CSMD1: variants seen among roughly 807,000 people sequenced by gnomAD.
The protein encoded by CSMD1 is CUB and sushi domain-containing protein 1.
CSMD1 carries 213 observed loss-of-function variants against 417.5 expected under a neutral mutation model. That is an observed-to-expected ratio of 0.51 (90% CI 0.46 to 0.57). The LOEUF is 0.57. Ranked by LOEUF, CSMD1 falls within the 20% of genes least tolerant of loss-of-function variation. CSMD1 has a pLI of 0.00. For synonymous variants in CSMD1, 2,862 were observed against 1,736.8 expected, an observed-to-expected ratio of 1.65 and a Z score of -16.11; for missense variants, 6,923 against 4,529.7, an observed-to-expected ratio of 1.53 and a Z score of -15.17.
At chr8:4,479,891 G>T (rs1585143461) in intron 2 of CSMD1, among the ~76,000 whole-genome samples, 2 of 151,566 alleles carry the variant, frequency 1.3e-5, no homozygotes, top group African/African-American at 4.9e-5. Context: ...GCTTGAACCT[G>T]GGAGGCAGAG....
At chr8:4,350,751 G>C (rs923211641) in intron 3 of CSMD1, among the ~76,000 whole-genome samples, 2 of 152,164 alleles carry the variant, frequency 1.3e-5, no homozygotes, top group Non-Finnish European at 2.9e-5. Context: ...TCTAAATCCA[G>C]TGGCAGCTGA....
rs770588010 is a variant in CSMD1, at chr8:2,938,741, C to T, written c.10539G>A (p.Thr3513=). The T allele has an allele frequency of 3.1e-6, 5 of 1,604,896 alleles. No homozygotes were observed. The highest frequency in any genetic ancestry group is 2.2e-5 in the South Asian group (2 of 89,306). Residue 3513 remains threonine (T), a synonymous_variant, in exon 70 of 70, where the codon ACG becomes ACA. Coordinates refer to ENST00000635120, the MANE Select transcript of CSMD1 (RefSeq NM_033225.6). ...GFAFYLYKHR[T]RPKVQYNGYA... is the part of the protein sequence containing the mutation. ...AGCCATTGTATTGAACTTTTGGTCTCGTTCTAAGGAAAACAGAAAACAAAT... is the reference window on the plus strand; with the variant it reads ...AGCCATTGTATTGAACTTTTGGTCTTGTTCTAAGGAAAACAGAAAACAAAT...
intron 1 of CSMD1, among the ~76,000 whole-genome samples, chr8:4,886,407 T>C (rs1476462989): frequency 6.6e-6 from 1 of 152,046 alleles, no homozygotes; most frequent in East Asian, 1.9e-4. Flanking sequence ...TTCTTGATAA[T>C]GTTTTGTTGA....
chr8:4,487,193 T>G (rs928005137), intron 2 of CSMD1, among the ~76,000 whole-genome samples: 5 of 152,144 alleles, frequency 3.3e-5, no homozygotes, highest in African/African-American at 7.2e-5. Flanking sequence ...TTATTATACT[T>G]TAAGTTTTAG....
chr8:4,100,200 G>A (rs1035376350), intron 3 of CSMD1, among the ~76,000 whole-genome samples: 2 of 152,212 alleles, frequency 1.3e-5, no homozygotes, highest in East Asian at 3.9e-4. Context: ...GGAAGGGTGA[G>A]GATTAAATGA....
intron 5 of CSMD1, among the ~76,000 whole-genome samples, chr8:3,781,457 G>C (rs1029937432): frequency 6.6e-6 from 1 of 151,838 alleles, no homozygotes; most frequent in Non-Finnish European, 1.5e-5. Context: ...CAGAGAATAC[G>C]GGTTAAGGGA....
chr8:3,300,466 T>G (rs911799644), intron 25 of CSMD1, among the ~76,000 whole-genome samples: 1 of 152,166 alleles, frequency 6.6e-6, no homozygotes, highest in Non-Finnish European at 1.5e-5. Context: ...CAAAATAGTT[T>G]TTGTTTTTAT....
intron 5 of CSMD1, among the ~76,000 whole-genome samples, chr8:3,827,881 T>C (rs1205193707): frequency 6.6e-6 from 1 of 152,280 alleles, no homozygotes; most frequent in African/African-American, 2.4e-5. Flanking sequence ...TGAAGTTTCA[T>C]CCCCATGGGC....
At chr8:4,923,039 G>A (rs1156414101) in intron 1 of CSMD1, among the ~76,000 whole-genome samples, 1 of 152,060 alleles carries the variant, frequency 6.6e-6, no homozygotes, top group Non-Finnish European at 1.5e-5. Context: ...TACTACTCAG[G>A]CATAACTCCA....
chr8:3,831,317 G>A (rs889183308), intron 5 of CSMD1, among the ~76,000 whole-genome samples: 2 of 152,032 alleles, frequency 1.3e-5, no homozygotes, highest in East Asian at 1.9e-4. Flanking sequence ...GTTGCATTTC[G>A]GACAGCTCCA....
At chr8:4,078,461 C>T (rs1045072043) in intron 3 of CSMD1, among the ~76,000 whole-genome samples, 17 of 151,612 alleles carry the variant, frequency 1.1e-4, no homozygotes, top group African/African-American at 4.1e-4. Flanking sequence ...ACTACAGGTG[C>T]CACCATGTTA....
chr8:4,019,911 C>A (rs1213799873), intron 4 of CSMD1, among the ~76,000 whole-genome samples: 4 of 57,392 alleles, frequency 7.0e-5, no homozygotes, highest in Admixed American at 1.8e-4. Context: ...AGCAGTAATT[C>A]ATTAAAAAAA....
chr8:3,945,402 AC>A (rs1811155815), intron 5 of CSMD1, among the ~76,000 whole-genome samples: 2 of 152,090 alleles, frequency 1.3e-5, no homozygotes, highest in South Asian at 4.1e-4. Flanking sequence ...GAACGGCTTA[AC>A]TTTTTTGGGG....
At chr8:4,014,185 G>C (rs540718514) in intron 4 of CSMD1, among the ~76,000 whole-genome samples, 4 of 152,254 alleles carry the variant, frequency 2.6e-5, no homozygotes, top group Admixed American at 1.3e-4. Flanking sequence ...CATTCATTAA[G>C]TTTGCAAAGC....
intron 10 of CSMD1, among the ~76,000 whole-genome samples, chr8:3,564,020 T>G (rs1257207521): frequency 6.6e-6 from 1 of 152,240 alleles, no homozygotes; most frequent in East Asian, 1.9e-4. Context: ...TACTTTTATT[T>G]TGATTTGTAG....
chr8:4,223,720 A>G (rs899860056), intron 3 of CSMD1, among the ~76,000 whole-genome samples: 10 of 152,228 alleles, frequency 6.6e-5, no homozygotes, highest in Admixed American at 3.3e-4. Context: ...GTTATCTGAA[A>G]AATGAGGAAT....
chr8:4,652,707 G>C (rs962568678), intron 1 of CSMD1, among the ~76,000 whole-genome samples: 2 of 152,122 alleles, frequency 1.3e-5, no homozygotes. Flanking sequence ...GCAATCCCAA[G>C]CGCAGTGACA....
intron 4 of CSMD1, among the ~76,000 whole-genome samples, chr8:4,009,739 G>T (rs970046203): frequency 6.6e-6 from 1 of 152,012 alleles, no homozygotes; most frequent in East Asian, 1.9e-4. Flanking sequence ...ACCTCCACAG[G>T]CGCTCACTCC....
chr8:3,387,505 G>C lies in CSMD1; in HGVS notation c.2771C>G (p.Pro924Arg). 3 of 1,599,952 alleles carry C rather than the reference G, an allele frequency of 1.9e-6. No individual in the cohort carries two copies. Among genetic ancestry groups the C allele is most frequent in the Non-Finnish European group, 2.6e-6 (3 of 1,173,218 alleles). The change falls in exon 18 of 70, where the codon CCC becomes CGC. Residue 924 changes from proline (P) to arginine (R), a missense_variant. Coordinates refer to ENST00000635120, the MANE Select transcript of CSMD1 (RefSeq NM_033225.6). ...ERNHQWNHAL[P>R]SCDALCGGYI... is the part of the protein sequence containing the mutation. Reference sequence around the variant, plus strand: ...TGAGCTGTACCTACCGTCGCAGCTGGGCAAGGCGTGGTTCCACTGGTGGTT... The same window carrying C: ...TGAGCTGTACCTACCGTCGCAGCTGCGCAAGGCGTGGTTCCACTGGTGGTT...
Sources: gnomAD v4.1 joint callset for allele counts (sites outside exome capture counted in the v4.1 genomes callset) on GRCh38, gnomAD v4.1.1 for gene constraint, MANE v1.5 for transcripts, NCBI Gene and HGNC (gene_info 2026-07-23, HGNC 2026-07-21) for gene names.